Variants in RGS6 observed in about 807,000 individuals in gnomAD.
RGS6 encodes the protein regulator of G protein signaling 6, also known as regulator of G-protein signaling 6.
In RGS6, 30 loss-of-function variants were observed where a neutral mutation model predicts 78.5. That is an observed-to-expected ratio of 0.38 (90% CI 0.29 to 0.52). The LOEUF is 0.52. RGS6 is among the 20% of genes least tolerant of loss of function. The pLI is 0.85. For synonymous variants in RGS6, 206 were observed against 206.0 expected, an observed-to-expected ratio of 1.00 and a Z score of 0.00; for missense variants, 495 against 609.7, an observed-to-expected ratio of 0.81 and a Z score of 1.98.
chr14:72,346,274 G>C (rs923222443), intron 2 of RGS6, among the ~76,000 whole-genome samples: 2 of 152,158 alleles, frequency 1.3e-5, no homozygotes, highest in African/African-American at 4.8e-5. Flanking sequence ...AAGTAAATTA[G>C]CTCATTGGAT....
At chr14:72,135,479 C>T (rs1037616933) in intron 2 of RGS6, among the ~76,000 whole-genome samples, 4 of 152,270 alleles carry the variant, frequency 2.6e-5, no homozygotes, top group Non-Finnish European at 4.4e-5. Flanking sequence ...TCTTGTTTTT[C>T]CCTGCTCTGT....
At chr14:71,925,234 A>G in the RGS6 span, among the ~76,000 whole-genome samples, 4 of 152,162 alleles carry the variant, frequency 2.6e-5, no homozygotes, top group Admixed American at 2.6e-4. Context: ...TGTCTATTCA[A>G]GTTCTTTGCT....
chr14:72,352,209 G>A lies in RGS6; in HGVS notation c.184+15G>A. The A allele has an allele frequency of 1.9e-6, 3 of 1,599,610 alleles. No individual in the cohort carries two copies. Among genetic ancestry groups the A allele is most frequent in the Non-Finnish European group, 2.6e-6 (3 of 1,167,966 alleles). On this transcript the variant is annotated intron_variant, in intron 3 of 17. Transcript: ENST00000553525. ...TGTCGTCACAGGTAACACCCTCCTTGCAAGGTGTTGGTAACAGTCAGAACT... is the reference window on the plus strand; with the variant it reads ...TGTCGTCACAGGTAACACCCTCCTTACAAGGTGTTGGTAACAGTCAGAACT...
intron 2 of RGS6, among the ~76,000 whole-genome samples, chr14:72,269,003 A>G (rs2059502796): frequency 6.6e-6 from 1 of 152,162 alleles, no homozygotes; most frequent in South Asian, 2.1e-4. Context: ...TGGCAGTGCC[A>G]TCTTTCCACC....
At chr14:72,310,337 G>C (rs957951943) in intron 2 of RGS6, among the ~76,000 whole-genome samples, 1 of 152,208 alleles carries the variant, frequency 6.6e-6, no homozygotes, top group African/African-American at 2.4e-5. Flanking sequence ...GAAGCAAAAG[G>C]TTAAACTGTT....
the RGS6 span, chr14:72,612,383 T>C: frequency 2.0e-6 from 1 of 489,964 alleles, no homozygotes; most frequent in Admixed American, 2.0e-5. Context: ...GAGATAATCA[T>C]TCTATATTTT....
At chr14:72,258,649 A>T (rs1420233384) in intron 2 of RGS6, among the ~76,000 whole-genome samples, 1 of 152,226 alleles carries the variant, frequency 6.6e-6, no homozygotes, top group Non-Finnish European at 1.5e-5. Flanking sequence ...TTGATTAATT[A>T]TCAAGCCAGT....
chr14:72,578,597 G>A, the RGS6 span, among the ~76,000 whole-genome samples: 3 of 152,180 alleles, frequency 2.0e-5, no homozygotes, highest in Admixed American at 6.5e-5. Context: ...ATTGAGCACC[G>A]ATGATGTGTC....
At chr14:71,984,264 A>G (rs2094584943) in intron 2 of RGS6, among the ~76,000 whole-genome samples, 1 of 150,938 alleles carries the variant, frequency 6.6e-6, no homozygotes, top group Non-Finnish European at 1.5e-5. Flanking sequence ...TGTATTCTAA[A>G]GCCTGTGGTT....
At chr14:72,418,551 G>T (rs531613323) in intron 3 of RGS6, among the ~76,000 whole-genome samples, 14 of 152,312 alleles carry the variant, frequency 9.2e-5, no homozygotes, top group Admixed American at 7.2e-4. Flanking sequence ...GATAGAAAAA[G>T]GAGTTTTCTC....
chr14:72,162,627 C>T (rs2096868263), intron 2 of RGS6, among the ~76,000 whole-genome samples: 1 of 152,090 alleles, frequency 6.6e-6, no homozygotes, highest in African/African-American at 2.4e-5. Flanking sequence ...CTTTCTAAAA[C>T]CTTTGCATAA....
rs114394683 is a variant in RGS6, at chr14:72,153,498, A to G, written c.84+188623A>G. Among the ~76,000 whole-genome samples, 474 of 152,308 alleles carry G rather than the reference A, an allele frequency of 3.1e-3. 1 individual carries two copies. The highest frequency in any genetic ancestry group is 0.011 in the African/African-American group (457 of 41,572). On this transcript the variant is annotated intron_variant, in intron 2 of 17. Transcript: ENST00000553525. ...AGATCCCTCATTCTTCTCATCAGTG[A>G]GATAGCTGGGTATTGGGGGAACCTG...
chr14:72,337,748 G>T (rs1239140351), intron 2 of RGS6, among the ~76,000 whole-genome samples: 1 of 152,194 alleles, frequency 6.6e-6, no homozygotes. Flanking sequence ...TAATCTGTAT[G>T]ATTAACAGAA....
chr14:72,092,001 C>CTTTTGTTTTGTTTTA (rs2095282635), intron 2 of RGS6, among the ~76,000 whole-genome samples: 1 of 150,656 alleles, frequency 6.6e-6, no homozygotes, highest in Admixed American at 6.6e-5. Flanking sequence ...TAGCTTCAGC[C>CTTTTGTTTTGTTTTA]TTTTGTTTTG....
intron 2 of RGS6, among the ~76,000 whole-genome samples, chr14:72,102,301 T>A (rs1188393289): frequency 6.6e-6 from 1 of 152,318 alleles, no homozygotes; most frequent in East Asian, 1.9e-4. Flanking sequence ...TCTTCTGCTT[T>A]ACCAAAATAC....
intron 17 of RGS6, among the ~76,000 whole-genome samples, chr14:72,542,625 C>T (rs946496366): frequency 2.6e-5 from 4 of 152,124 alleles, no homozygotes; most frequent in East Asian, 3.9e-4. Flanking sequence ...GGACCAAAGA[C>T]GTGAGGCCAA....
intron 2 of RGS6, among the ~76,000 whole-genome samples, chr14:72,129,423 A>G (rs528268013): frequency 6.6e-6 from 1 of 152,342 alleles, no homozygotes; most frequent in East Asian, 1.9e-4. Context: ...TTTGTTATGA[A>G]ATATGCCTTT....
chr14:72,549,580 G>A lies in RGS6; in HGVS notation c.1422+9486G>A, dbSNP rs186415754. 2.1e-4 allele frequency among the ~76,000 whole-genome samples: 32 copies of A among 152,270 alleles called. No individual in the cohort carries two copies. In the East Asian group the frequency reaches 4.2e-3, roughly 20 times the overall value. ...AGCTAACATCAAAAACACCTCAGCC[G>A]GCTGGGCGTGGTGGCTCACATCTGT... On this transcript the variant is annotated intron_variant, in intron 17 of 17. Transcript: ENST00000553525.
intron 2 of RGS6, among the ~76,000 whole-genome samples, chr14:72,278,873 G>T (rs2061124777): frequency 6.6e-6 from 1 of 152,068 alleles, no homozygotes; most frequent in African/African-American, 2.4e-5. Flanking sequence ...TCAGTGTCTT[G>T]CAGGGTTCGG....
Sources: allele counts gnomAD v4.1 joint callset (sites outside exome capture counted in the v4.1 genomes callset), GRCh38; gene constraint gnomAD v4.1.1; transcripts MANE v1.5; gene names NCBI Gene and HGNC (gene_info 2026-07-23, HGNC 2026-07-21).